Variants in HMCN1 observed in about 807,000 individuals in gnomAD.
HMCN1 encodes the protein hemicentin 1.
A neutral mutation model predicts 625.9 loss-of-function variants in HMCN1; 321 were observed. The ratio of observed to expected loss-of-function variants is 0.51; its 90% CI spans 0.47 to 0.56. The LOEUF (loss-of-function observed/expected upper bound fraction) is 0.56. Among genes scored for constraint, HMCN1 ranks in the 20% least tolerant of loss-of-function variants. The pLI is 0.00. For missense variants in HMCN1, 6,588 were observed against 6,887.3 expected, an observed-to-expected ratio of 0.96 and a Z score of 1.54; for synonymous variants, 2,425 against 2,417.6, an observed-to-expected ratio of 1.00 and a Z score of -0.09.
chr1:186,094,222 G>C, intron 66 of HMCN1, 54 bp from the exon 67 acceptor site: 1 of 1,264,948 alleles, frequency 7.9e-7, no homozygotes, highest in South Asian at 1.2e-5. Context: ...ATTATTTTAT[G>C]TGTACTTGTT....
chr1:186,045,045 G>C (rs1387874915), intron 40 of HMCN1, among the ~76,000 whole-genome samples: 10 of 152,094 alleles, frequency 6.6e-5, no homozygotes, highest in Admixed American at 3.9e-4. Context: ...GTAATTGTGA[G>C]TACGTTGTAC....
At chr1:186,044,766 A>T (rs1656451590) in intron 40 of HMCN1, among the ~76,000 whole-genome samples, 1 of 152,090 alleles carries the variant, frequency 6.6e-6, no homozygotes, top group Non-Finnish European at 1.5e-5. Context: ...AACAGGCTCA[A>T]TTTCATCATT....
At chr1:186,164,074 A>G (rs1402525842) in intron 97 of HMCN1, among the ~76,000 whole-genome samples, 1 of 152,166 alleles carries the variant, frequency 6.6e-6, no homozygotes, top group Non-Finnish European at 1.5e-5. Context: ...ACACACACAC[A>G]GCAACCGTGC....
In HMCN1 at chr1:186,057,334, G is replaced by A. The variant is rs1657400087; in HGVS notation, c.7245G>A (p.Leu2415=). 3 of 1,610,138 alleles carry A rather than the reference G, an allele frequency of 1.9e-6. No homozygotes were observed. Among genetic ancestry groups the A allele is most frequent in the African/African-American group, 1.3e-5 (1 of 74,756 alleles). ...SLTCEASGIP[L]PSITWFKDGW... is the part of the protein sequence containing the mutation. ...CTTGTGAAGCTTCTGGAATTCCCCT[G>A]CCTTCCATAACCTGGTTCAAAGATG... Residue 2415 remains leucine, a synonymous_variant, in exon 46 of 107, where the codon CTG becomes CTA. Coordinates refer to ENST00000271588, the MANE Select transcript of HMCN1 (RefSeq NM_031935.3).
chr1:186,143,559 G>T (rs1449198467), intron 89 of HMCN1, among the ~76,000 whole-genome samples: 2 of 152,172 alleles, frequency 1.3e-5, no homozygotes, highest in African/African-American at 4.8e-5. Context: ...TGTTGTTTAG[G>T]AAGCAGGTTA....
chr1:186,022,942 A>T, intron 35 of HMCN1, 88 bp from the exon 36 acceptor site: 2 of 1,308,278 alleles, frequency 1.5e-6, no homozygotes, highest in Non-Finnish European at 2.2e-6. Context: ...AGATATTATA[A>T]ATTTAAATGA....
Position 185,792,685 on chromosome 1 carries a change from A to T in HMCN1, c.269-53341A>T, listed in dbSNP as rs189068329. Among the ~76,000 whole-genome samples the T allele has an allele frequency of 3.6e-4, 55 of 152,320 alleles. 1 individual carries two copies. The highest frequency in any genetic ancestry group is 2.7e-3 in the Admixed American group (42 of 15,300). On this transcript the variant is annotated intron_variant, in intron 1 of 106. Transcript: ENST00000271588. ...CCTACTAAGATATAGAAATGACAGAATGGTTCCTACTGAGGAGTTTCCAGT... is the reference window on the plus strand; with the variant it reads ...CCTACTAAGATATAGAAATGACAGATTGGTTCCTACTGAGGAGTTTCCAGT...
intron 1 of HMCN1, among the ~76,000 whole-genome samples, chr1:185,820,934 G>C (rs2102267933): frequency 6.6e-6 from 1 of 152,142 alleles, no homozygotes. Flanking sequence ...ATTTTGAATA[G>C]AGACATTTTC....
rs56891910 is a variant in HMCN1, at chr1:185,865,582, TACACACACACACACACACAC to T, written c.499-129_499-110del. Among the ~76,000 whole-genome samples, 319 of 135,286 alleles carry T rather than the reference TACACACACACACACACACAC, an allele frequency of 2.4e-3. 4 individuals are homozygous for T. The highest frequency in any genetic ancestry group is 8.0e-3 in the African/African-American group (298 of 37,332). 88.8% of individuals were successfully genotyped at this position (135,286 alleles called of 152,430 possible). ...TATAAAGTCAATAATTATATAAGCA[TACACACACACACACACACAC>T]ACACACACACACACACACACACACA... On this transcript the variant is annotated intron_variant, in intron 3 of 106. Coordinates refer to ENST00000271588, the MANE Select transcript of HMCN1 (RefSeq NM_031935.3).
chr1:186,090,100 A>T (rs1176000296), intron 63 of HMCN1, among the ~76,000 whole-genome samples: 1 of 151,944 alleles, frequency 6.6e-6, no homozygotes, highest in Non-Finnish European at 1.5e-5. Flanking sequence ...TACCTTCTGC[A>T]CATCGCTATG....
intron 6 of HMCN1, among the ~76,000 whole-genome samples, chr1:185,915,646 G>A (rs145460642): frequency 1.3e-5 from 2 of 151,978 alleles, no homozygotes; most frequent in Non-Finnish European, 2.9e-5. Context: ...TTTTGGTTTT[G>A]GATAGTTATG....
At chr1:185,837,399 T>C (rs1276227413) in intron 1 of HMCN1, among the ~76,000 whole-genome samples, 2 of 152,044 alleles carry the variant, frequency 1.3e-5, no homozygotes, top group African/African-American at 4.8e-5. Context: ...TTTTGCTATC[T>C]TTTTTTAGAG....
chr1:185,820,451 A>G (rs536052010), intron 1 of HMCN1, among the ~76,000 whole-genome samples: 1 of 152,236 alleles, frequency 6.6e-6, no homozygotes, highest in African/African-American at 2.4e-5. Flanking sequence ...ACAGCCCCGA[A>G]TAATGTTTTT....
At chr1:186,140,145 T>C (rs1178755567) in intron 89 of HMCN1, among the ~76,000 whole-genome samples, 2 of 152,184 alleles carry the variant, frequency 1.3e-5, no homozygotes, top group Non-Finnish European at 2.9e-5. Flanking sequence ...TACTATTATC[T>C]AATTTCATTA....
Position 185,865,737 on chromosome 1 carries a change from A to G in HMCN1, c.499-4A>G, listed in dbSNP as rs753062029. 6.3e-7 allele frequency: 1 copy of G among 1,598,866 alleles called. No homozygotes were observed. The highest frequency in any genetic ancestry group is 8.5e-7 in the Non-Finnish European group (1 of 1,173,020). ...ACTGTTTCTTTTTTTTTTTTTAATC[A>G]TAGGTCGTATTTGTTCTGACTGGAG... On this transcript the variant is annotated splice_polypyrimidine_tract_variant and splice_region_variant and intron_variant, in intron 3 of 106. Transcript: ENST00000271588.
At position 186,019,708 on chromosome 1, in the gene HMCN1, A is replaced by T; in HGVS notation, c.5625+13A>T. The T allele has an allele frequency of 6.2e-7, 1 of 1,605,920 alleles. No individual in the cohort carries two copies. On this transcript the variant is annotated intron_variant, in intron 35 of 106. Coordinates refer to ENST00000271588, the MANE Select transcript of HMCN1 (RefSeq NM_031935.3). ...AGGAAACCTTAAAGTAAGTGTAAAT[A>T]TTACTCAGCCTAAACTGGGAAAGCT...
intron 54 of HMCN1, among the ~76,000 whole-genome samples, chr1:186,077,534 A>G (rs1658899606): frequency 6.6e-6 from 1 of 152,314 alleles, no homozygotes; most frequent in African/African-American, 2.4e-5. Flanking sequence ...AAGATTATAT[A>G]CATATGACAG....
At chr1:186,042,010 A>G (rs564552521) in intron 40 of HMCN1, among the ~76,000 whole-genome samples, 100 of 152,190 alleles carry the variant, frequency 6.6e-4, no homozygotes, top group Non-Finnish European at 1.3e-3. Flanking sequence ...ATGTAAATGT[A>G]TTGATCACAA....
chr1:186,181,082 T>C lies in HMCN1; in HGVS notation c.16295-1086T>C, dbSNP rs143309855. On this transcript the variant is annotated intron_variant, in intron 104 of 106. Transcript: ENST00000271588. The stretch of plus-strand genomic sequence containing the variant: ...ATGCAGAAATCACACTTGGGGGTAG[T>C]GTAAAATTCATGCTTGGGAAAGCTC... Among the ~76,000 whole-genome samples, 542 of 152,274 alleles carry C rather than the reference T, an allele frequency of 3.6e-3. 3 individuals carry two copies. The highest frequency in any genetic ancestry group is 0.012 in the African/African-American group (504 of 41,568).
Sources: gnomAD v4.1 joint callset for allele counts (sites outside exome capture counted in the v4.1 genomes callset) on GRCh38, gnomAD v4.1.1 for gene constraint, MANE v1.5 for transcripts, NCBI Gene and HGNC (gene_info 2026-07-23, HGNC 2026-07-21) for gene names.